VTCN1: variants seen among roughly 807,000 people sequenced by gnomAD.
VTCN1 encodes the protein V-set domain containing T cell activation inhibitor 1.
Under a neutral mutation model 26.5 loss-of-function variants are expected in VTCN1, and 26 were observed. That is an observed-to-expected ratio of 0.98 (90% CI 0.72 to 1.36). VTCN1 has a LOEUF of 1.36. Ranked by LOEUF, VTCN1 falls within the 40% of genes most tolerant of loss-of-function variation. The pLI is 0.00. For synonymous variants in VTCN1, 116 were observed against 130.7 expected, an observed-to-expected ratio of 0.89 and a Z score of 0.77; for missense variants, 298 against 337.7, an observed-to-expected ratio of 0.88 and a Z score of 0.92.
chr1:117,170,081 T>C (rs1345657515), intron 2 of VTCN1, 26 bp downstream of exon 2: 11 of 1,603,444 alleles, frequency 6.9e-6, no homozygotes, highest in African/African-American at 2.7e-5. Flanking sequence ...GGTGAATAGA[T>C]TGTAGTAATG....
intron 1 of VTCN1, among the ~76,000 whole-genome samples, chr1:117,180,119 C>T (rs895626683): frequency 4.0e-5 from 6 of 151,676 alleles, no homozygotes; most frequent in African/African-American, 1.5e-4. Context: ...AAATTTCTCT[C>T]CCCCCCAGGA....
intron 1 of VTCN1, among the ~76,000 whole-genome samples, chr1:117,206,148 ATT>A (rs34913979): frequency 0.85 from 126,023 of 148,342 alleles, 54,988 homozygotes; most frequent in Non-Finnish European, 0.96. Flanking sequence ...TATTATTATC[ATT>A]TTTTTTTTTT....
intron 1 of VTCN1, among the ~76,000 whole-genome samples, chr1:117,180,981 G>A (rs916892783): frequency 1.3e-5 from 2 of 152,244 alleles, no homozygotes; most frequent in Non-Finnish European, 2.9e-5. Flanking sequence ...CAGGAGACAT[G>A]AACAGTTGGG....
intron 1 of VTCN1, among the ~76,000 whole-genome samples, chr1:117,191,027 C>T (rs1248032377): frequency 6.6e-6 from 1 of 151,974 alleles, no homozygotes; most frequent in East Asian, 1.9e-4. Flanking sequence ...AAACAAAAAT[C>T]AGAAAAACAG....
At chr1:117,194,463 G>T (rs554392887) in intron 1 of VTCN1, among the ~76,000 whole-genome samples, 15 of 152,222 alleles carry the variant, frequency 9.9e-5, no homozygotes, top group African/African-American at 3.1e-4. Context: ...CAGTATGAAG[G>T]TTCTTCAAAA....
Position 117,146,377 on chromosome 1 carries a change from CAA to C in VTCN1, c.*46-1154_*46-1153del, listed in dbSNP as rs945277993. ...TGCACTATAGTGAAATCTTGGAGAA[CAA>C]GAGAAAGAATGAAAAGAAGCAGATC... On this transcript the variant is annotated intron_variant, in intron 5 of 5. Coordinates refer to ENST00000369458, the MANE Select transcript of VTCN1 (RefSeq NM_024626.4). The surrounding 1 kb of genome is among the most constrained non-coding windows in gnomAD (Gnocchi z 4.2). 6.6e-6 allele frequency among the ~76,000 whole-genome samples: 1 copy of C among 152,014 alleles called. No individual in the cohort carries two copies. Among genetic ancestry groups the C allele is most frequent in the African/African-American group, 2.4e-5 (1 of 41,380 alleles).
chr1:117,175,774 T>TC lies in VTCN1; in HGVS notation c.33-5604_33-5603insG, dbSNP rs1456562910. ...ATACCTATCTCTCTCTCTCTCTCTC[T>TC]TTTTTTTTTTTTTTGAGATGGAGTT... On this transcript the variant is annotated intron_variant, in intron 1 of 5. Transcript: ENST00000369458. This position sits in a 1 kb window ranked among gnomAD's most constrained non-coding sequence, Gnocchi z 4.2. 4.1e-5 allele frequency among the ~76,000 whole-genome samples: 1 copy of TC among 24,440 alleles called. No individual in the cohort carries two copies. 16.0% of individuals were successfully genotyped at this position (24,440 alleles called of 152,430 possible). A position where few individuals can be genotyped will look rare whatever the true frequency, so the allele number is the denominator to read the frequency against.
At chr1:117,173,023 T>G (rs931287828) in intron 1 of VTCN1, among the ~76,000 whole-genome samples, 1 of 152,224 alleles carries the variant, frequency 6.6e-6, no homozygotes, top group Admixed American at 6.5e-5. Context: ...ATCTTGCTGC[T>G]GCTCCCTCTT....
chr1:117,185,420 T>C, intron 1 of VTCN1, among the ~76,000 whole-genome samples: 1 of 152,292 alleles, frequency 6.6e-6, no homozygotes, highest in East Asian at 1.9e-4. Flanking sequence ...GCTGGGGATG[T>C]CCTGATCAGT....
chr1:117,191,015 T>C (rs1436322110), intron 1 of VTCN1, among the ~76,000 whole-genome samples: 1 of 151,808 alleles, frequency 6.6e-6, no homozygotes, highest in Non-Finnish European at 1.5e-5. Flanking sequence ...AGACAGACCA[T>C]TAAACAAAAA....
chr1:117,169,522 T>C lies in VTCN1; in HGVS notation c.97+585A>G, dbSNP rs575125179. 1.3e-5 allele frequency among the ~76,000 whole-genome samples: 2 copies of C among 152,350 alleles called. No individual in the cohort carries two copies. Among genetic ancestry groups the C allele is most frequent in the African/African-American group, 4.8e-5 (2 of 41,582 alleles). On this transcript the variant is annotated intron_variant, in intron 2 of 5. Transcript: ENST00000369458. This position sits in a 1 kb window ranked among gnomAD's most constrained non-coding sequence, Gnocchi z 4.0. ...GAATGACATCTTCAGCACTGACTGA[T>C]AGATAGACTACTGATAAACATCTCA...
chr1:117,150,882 T>C (rs1321847167), intron 4 of VTCN1, among the ~76,000 whole-genome samples: 3 of 152,240 alleles, frequency 2.0e-5, no homozygotes, highest in African/African-American at 4.8e-5. Flanking sequence ...TGTCTTTTTG[T>C]GACTGGCTTA....
rs1350316105 is a variant in VTCN1, at chr1:117,183,945, G to A, written c.33-13774C>T. 6.6e-6 allele frequency among the ~76,000 whole-genome samples: 1 copy of A among 152,034 alleles called. No individual in the cohort carries two copies. Among genetic ancestry groups the A allele is most frequent in the Admixed American group, 6.6e-5 (1 of 15,256 alleles). ...GGGCGCAATGGCTATGCATTCCAGG[G>A]ACCAAAAGCTTCTGTCTTCAGAGCC... On this transcript the variant is annotated intron_variant, in intron 1 of 5. Transcript: ENST00000369458. This position sits in a 1 kb window ranked among gnomAD's most constrained non-coding sequence, Gnocchi z 4.1.
intron 1 of VTCN1, among the ~76,000 whole-genome samples, chr1:117,195,072 C>T (rs1171988753): frequency 4.0e-5 from 6 of 151,316 alleles, no homozygotes; most frequent in African/African-American, 1.5e-4. Context: ...TCGAGACCAG[C>T]CTAATATAGT....
chr1:117,160,716 C>T (rs987116519), intron 2 of VTCN1, among the ~76,000 whole-genome samples: 1 of 152,098 alleles, frequency 6.6e-6, no homozygotes, highest in Non-Finnish European at 1.5e-5. Context: ...ACAAAGCAGA[C>T]GTGTTTGTTG....
chr1:117,201,163 T>C (rs1557878977), intron 1 of VTCN1, among the ~76,000 whole-genome samples: 1 of 152,156 alleles, frequency 6.6e-6, no homozygotes, highest in Non-Finnish European at 1.5e-5. Context: ...TAGAATATAC[T>C]CTTGAGGGTT....
chr1:117,150,346 G>A (rs984325462), intron 4 of VTCN1, among the ~76,000 whole-genome samples: 2 of 152,220 alleles, frequency 1.3e-5, no homozygotes, highest in Admixed American at 1.3e-4. Flanking sequence ...AGAGAGTAAA[G>A]AGAGAATTAA....
At chr1:117,151,215 T>TG (rs58209705) in intron 4 of VTCN1, among the ~76,000 whole-genome samples, 1 of 151,426 alleles carries the variant, frequency 6.6e-6, no homozygotes, top group African/African-American at 2.4e-5. Context: ...TTTTTTTTTT[T>TG]GGAGAGTGTT....
rs1457135601 is a variant in VTCN1 at position 117,146,395 on chromosome 1, G to T, written c.*46-1170C>A. ...TGGAGAACAAGAGAAAGAATGAAAA[G>T]AAGCAGATCAACAGATCTTTACCTG... On this transcript the variant is annotated intron_variant, in intron 5 of 5. Coordinates refer to ENST00000369458, the MANE Select transcript of VTCN1 (RefSeq NM_024626.4). This position sits in a 1 kb window ranked among gnomAD's most constrained non-coding sequence, Gnocchi z 4.2. Among the ~76,000 whole-genome samples, 1 of 152,174 alleles carries T rather than the reference G, an allele frequency of 6.6e-6. No individual in the cohort carries two copies. The highest frequency in any genetic ancestry group is 1.9e-4 in the East Asian group (1 of 5,192).
Sources: gnomAD v4.1 joint callset for allele counts (sites outside exome capture counted in the v4.1 genomes callset) on GRCh38, gnomAD v4.1.1 for gene constraint, Gnocchi (gnomAD v3.1) non-coding constraint, MANE v1.5 for transcripts, NCBI Gene and HGNC (gene_info 2026-07-23, HGNC 2026-07-21) for gene names.